CHN1: variants seen among roughly 807,000 people sequenced by gnomAD.
The protein encoded by CHN1 is N-chimaerin.
CHN1 carries 37 observed loss-of-function variants against 59.5 expected under a neutral mutation model. The ratio of observed to expected loss-of-function variants is 0.62; its 90% CI spans 0.48 to 0.82. CHN1 has a LOEUF of 0.82. CHN1 is among the 40% of genes least tolerant of loss of function. CHN1 has a pLI of 0.00. For synonymous variants in CHN1, 206 were observed against 200.4 expected, an observed-to-expected ratio of 1.03 and a Z score of -0.24; for missense variants, 469 against 571.0, an observed-to-expected ratio of 0.82 and a Z score of 1.82.
rs573199607 is a variant in CHN1 at position 174,837,760 on chromosome 2, C to T, written c.627+9120G>A. ...AATAATTTACAGTGGTTTTCAGCTACCAGAAGTTTTTGTGTAGTAAAAATA... is the reference window on the plus strand; with the variant it reads ...AATAATTTACAGTGGTTTTCAGCTATCAGAAGTTTTTGTGTAGTAAAAATA... On this transcript the variant is annotated intron_variant, in intron 7 of 12. Coordinates refer to ENST00000409900, the MANE Select transcript of CHN1 (RefSeq NM_001822.7). Among the ~76,000 whole-genome samples, 3 of 152,268 alleles carry T rather than the reference C, an allele frequency of 2.0e-5. No individual in the cohort carries two copies. The South Asian group carries it at 6.2e-4, about 32-fold the overall frequency.
At chr2:174,966,511 C>G (rs1474920750) in intron 1 of CHN1, among the ~76,000 whole-genome samples, 1 of 152,112 alleles carries the variant, frequency 6.6e-6, no homozygotes, top group African/African-American at 2.4e-5. Context: ...GGAAACCTCT[C>G]CTATTTAAAA....
At chr2:174,842,983 AAC>A (rs1686366535) in intron 7 of CHN1, among the ~76,000 whole-genome samples, 1 of 152,206 alleles carries the variant, frequency 6.6e-6, no homozygotes. Context: ...TAAAAAATTA[AAC>A]TCATATTTTT....
rs1685624245 is a variant in CHN1, at chr2:174,824,642, G to C, written c.628-124C>G. On this transcript the variant is annotated intron_variant, in intron 7 of 12. Transcript: ENST00000409900. Reference sequence around the variant, plus strand: ...TATATATATATATATGAGAGAAAGAGAAATGGGGTCTCACTGTTGCCCAGG... The same window carrying C: ...TATATATATATATATGAGAGAAAGACAAATGGGGTCTCACTGTTGCCCAGG... 9 of 435,778 alleles carry C rather than the reference G, an allele frequency of 2.1e-5. No homozygotes were observed. The South Asian group carries it at 2.7e-4, about 13-fold the overall frequency. 27.0% of individuals were successfully genotyped at this position (435,778 alleles called of 1,614,324 possible). A position where few individuals can be genotyped will look rare whatever the true frequency, so the allele number is the denominator to read the frequency against.
chr2:174,916,612 GT>G (rs1688855940), intron 4 of CHN1, among the ~76,000 whole-genome samples: 1 of 152,288 alleles, frequency 6.6e-6, no homozygotes, highest in South Asian at 2.1e-4. Flanking sequence ...ATTTTCTGGA[GT>G]TTTTCCTGAT....
chr2:174,853,523 T>C (rs1161306161), intron 6 of CHN1, among the ~76,000 whole-genome samples: 1 of 152,182 alleles, frequency 6.6e-6, no homozygotes, highest in African/African-American at 2.4e-5. Context: ...TCAGCCACTG[T>C]GGAAAGCAGT....
At chr2:174,935,203 T>G (rs1021869985) in intron 3 of CHN1, among the ~76,000 whole-genome samples, 2 of 152,224 alleles carry the variant, frequency 1.3e-5, no homozygotes, top group Non-Finnish European at 2.9e-5. Context: ...CTACCAACTC[T>G]GCGCTTCTGC....
intron 5 of CHN1, among the ~76,000 whole-genome samples, chr2:174,884,063 G>A (rs1687821333): frequency 6.6e-6 from 1 of 150,942 alleles, no homozygotes; most frequent in African/African-American, 2.4e-5. Context: ...CGCCTCCCAG[G>A]TTCACGCCAT....
intron 7 of CHN1, among the ~76,000 whole-genome samples, chr2:174,839,080 A>G (rs1433372949): frequency 6.6e-6 from 1 of 152,142 alleles, no homozygotes; most frequent in African/African-American, 2.4e-5. Flanking sequence ...AATAAAAATT[A>G]TATTTACTGT....
intron 3 of CHN1, among the ~76,000 whole-genome samples, chr2:174,924,286 C>T (rs1032135397): frequency 6.6e-6 from 1 of 152,200 alleles, no homozygotes; most frequent in Non-Finnish European, 1.5e-5. Context: ...TGACCTGAGT[C>T]TGCATAACAA....
intron 6 of CHN1, among the ~76,000 whole-genome samples, chr2:174,848,039 T>C (rs568625632): frequency 1.6e-3 from 239 of 152,302 alleles, no homozygotes; most frequent in African/African-American, 5.4e-3. Context: ...GTGAGTATTT[T>C]GATGAAAGAT....
At chr2:174,873,108 A>G (rs1038901708) in intron 6 of CHN1, among the ~76,000 whole-genome samples, 1 of 151,910 alleles carries the variant, frequency 6.6e-6, no homozygotes, top group Non-Finnish European at 1.5e-5. Flanking sequence ...CAGAAATTGT[A>G]GTCTTCCTCA....
intron 6 of CHN1, among the ~76,000 whole-genome samples, chr2:174,848,328 C>T (rs895417751): frequency 2.6e-5 from 4 of 152,072 alleles, no homozygotes; most frequent in Non-Finnish European, 5.9e-5. Context: ...GACCCATATA[C>T]TTTTTGTTTG....
intron 6 of CHN1, among the ~76,000 whole-genome samples, chr2:174,874,197 T>C (rs762592912): frequency 6.6e-6 from 1 of 152,198 alleles, no homozygotes; most frequent in African/African-American, 2.4e-5. Flanking sequence ...CCAGTATCTG[T>C]TGACATAAAC....
At chr2:174,932,885 C>T (rs1052516672) in intron 3 of CHN1, among the ~76,000 whole-genome samples, 9 of 152,164 alleles carry the variant, frequency 5.9e-5, no homozygotes, top group African/African-American at 1.7e-4. Context: ...CAATTAAACA[C>T]CTCTTTTCTC....
intron 6 of CHN1, among the ~76,000 whole-genome samples, chr2:174,867,098 G>A (rs1351591485): frequency 1.1e-4 from 17 of 150,114 alleles, no homozygotes; most frequent in Non-Finnish European, 1.9e-4. Context: ...TAAGGGCCAG[G>A]AGCAGTGGCT....
intron 11 of CHN1, among the ~76,000 whole-genome samples, chr2:174,804,513 T>C (rs1457628473): frequency 6.6e-6 from 1 of 152,132 alleles, no homozygotes; most frequent in East Asian, 1.9e-4. Flanking sequence ...AGGCAAAGAA[T>C]AAAAGCAGAG....
intron 7 of CHN1, among the ~76,000 whole-genome samples, chr2:174,832,550 G>C (rs1432675209): frequency 6.6e-6 from 1 of 151,832 alleles, no homozygotes; most frequent in Non-Finnish European, 1.5e-5. Flanking sequence ...TGTATCTTGT[G>C]ATTTCTTCTT....
chr2:174,932,945 C>T (rs1217013103), intron 3 of CHN1, among the ~76,000 whole-genome samples: 1 of 152,170 alleles, frequency 6.6e-6, no homozygotes, highest in African/African-American at 2.4e-5. Flanking sequence ...TGAGAACAGA[C>T]TAATACAGTT....
chr2:174,932,779 T>C (rs934270383), intron 3 of CHN1, among the ~76,000 whole-genome samples: 4 of 152,182 alleles, frequency 2.6e-5, no homozygotes, highest in Non-Finnish European at 5.9e-5. Flanking sequence ...TATGGCCATG[T>C]GAAGATGCCT....
Sources: gnomAD v4.1 joint callset for allele counts (sites outside exome capture counted in the v4.1 genomes callset) on GRCh38, gnomAD v4.1.1 for gene constraint, MANE v1.5 for transcripts, NCBI Gene and HGNC (gene_info 2026-07-23, HGNC 2026-07-21) for gene names.